The following ASAP1 variants were observed in gnomAD, a reference collection of about 807,000 sequenced individuals.
ASAP1 encodes the protein arf-GAP with SH3 domain, ANK repeat and PH domain-containing protein 1.
ASAP1 carries 43 observed loss-of-function variants against 145.2 expected under a neutral mutation model. The observed-to-expected ratio is 0.30, with a 90% CI of 0.23 to 0.38. ASAP1 has a LOEUF of 0.38. ASAP1 is among the 10% of genes least tolerant of loss of function. The probability of loss-of-function intolerance (pLI) is 1.00; values close to 1 mark genes in which losing one functional copy is unlikely to be tolerated. For synonymous variants in ASAP1, 546 were observed against 515.5 expected (o/e 1.06, Z -0.80); for missense variants, 1,018 against 1,355.3 (o/e 0.75, Z 3.91).
chr8:130,206,911 G>A (rs1816259759), intron 5 of ASAP1, among the ~76,000 whole-genome samples: 1 of 151,762 alleles, frequency 6.6e-6, no homozygotes, highest in African/African-American at 2.4e-5. Context: ...TCACAGGAAT[G>A]ATGCCTGATG....
At chr8:130,245,734 C>T (rs1421483907) in intron 3 of ASAP1, among the ~76,000 whole-genome samples, 1 of 152,186 alleles carries the variant, frequency 6.6e-6, no homozygotes, top group Non-Finnish European at 1.5e-5. Context: ...ATAAATCTGC[C>T]TCTATATTAA....
At chr8:130,072,790 GATATGT>G (rs1205241413) in intron 27 of ASAP1, among the ~76,000 whole-genome samples, 1 of 66,096 alleles carries the variant, frequency 1.5e-5, no homozygotes, top group Admixed American at 1.7e-4. Flanking sequence ...ACTTGCAATT[GATATGT>G]GTGTGTGTGT....
In ASAP1 at chr8:130,364,699, A is replaced by G. The variant is rs140530305; in HGVS notation, c.60-6556T>C. ...TGCCCCATTCCTCCAGGTGGGATTA[A>G]TCTTCATGTGGGTATCCACAGTCAG... On this transcript the variant is annotated intron_variant, in intron 2 of 29. Transcript: ENST00000518721. Among the ~76,000 whole-genome samples the G allele has an allele frequency of 3.9e-5, 6 of 152,332 alleles. No individual in the cohort carries two copies. In the East Asian group the frequency reaches 1.2e-3, roughly 29 times the overall value.
At chr8:130,123,870 C>T (rs2097570536) in intron 18 of ASAP1, 143 bp downstream of exon 18, 16 of 592,404 alleles carry the variant, frequency 2.7e-5, no homozygotes, top group South Asian at 1.8e-4. Flanking sequence ...CCTCGTGATC[C>T]GTTTGCCTCA....
At chr8:130,234,351 A>G (rs1251205164) in intron 4 of ASAP1, among the ~76,000 whole-genome samples, 2 of 152,122 alleles carry the variant, frequency 1.3e-5, no homozygotes, top group African/African-American at 4.8e-5. Flanking sequence ...CTCTAATAGT[A>G]CAAACCTAGG....
chr8:130,415,255 G>A (rs1481986159), intron 1 of ASAP1, among the ~76,000 whole-genome samples: 1 of 152,160 alleles, frequency 6.6e-6, no homozygotes, highest in African/African-American at 2.4e-5. Context: ...GATAGCTTGA[G>A]GCTAGGAGTT....
At chr8:130,134,385 G>A (rs1565000126) in intron 14 of ASAP1, 41 bp from the exon 15 acceptor site, 1 of 1,357,400 alleles carries the variant, frequency 7.4e-7, no homozygotes, top group East Asian at 2.4e-5. Context: ...ACCTTAGAAA[G>A]CAGGGTACTT....
intron 27 of ASAP1, among the ~76,000 whole-genome samples, chr8:130,074,831 G>A (rs2135261713): frequency 6.6e-6 from 1 of 152,338 alleles, no homozygotes; most frequent in South Asian, 2.1e-4. Context: ...ATGACCATGT[G>A]AGGTCAGCAG....
At chr8:130,277,068 A>T (rs1820956618) in intron 3 of ASAP1, among the ~76,000 whole-genome samples, 1 of 152,048 alleles carries the variant, frequency 6.6e-6, no homozygotes, top group Admixed American at 6.6e-5. Context: ...TCAGAATCAC[A>T]TGTGTGTGCT....
At chr8:130,430,103 C>T (rs553246699) in intron 1 of ASAP1, among the ~76,000 whole-genome samples, 72 of 152,292 alleles carry the variant, frequency 4.7e-4, no homozygotes, top group African/African-American at 1.7e-3. Context: ...ACCAGGGCCC[C>T]GATCCTTCTG....
chr8:130,328,962 C>T (rs1459564817), intron 3 of ASAP1, among the ~76,000 whole-genome samples: 1 of 151,990 alleles, frequency 6.6e-6, no homozygotes, highest in Non-Finnish European at 1.5e-5. Flanking sequence ...CTTAGACTAG[C>T]AGGAAATATA....
At chr8:130,229,939 G>A (rs1171047827) in intron 4 of ASAP1, among the ~76,000 whole-genome samples, 1 of 152,028 alleles carries the variant, frequency 6.6e-6, no homozygotes, top group Non-Finnish European at 1.5e-5. Context: ...GCATGCAACT[G>A]TGGTCCCAGC....
At chr8:130,300,186 A>AGC (rs1491297457) in intron 3 of ASAP1, among the ~76,000 whole-genome samples, 1 of 146,024 alleles carries the variant, frequency 6.8e-6, no homozygotes, top group African/African-American at 2.6e-5. Flanking sequence ...AGAGAGAGAG[A>AGC]GCGAGCGAGC....
At chr8:130,143,856 A>G (rs563113863) in intron 13 of ASAP1, among the ~76,000 whole-genome samples, 22 of 152,236 alleles carry the variant, frequency 1.4e-4, no homozygotes, top group Non-Finnish European at 2.8e-4. Context: ...AGTTAGCAGA[A>G]AACAGCTGCT....
chr8:130,163,361 T>G (rs909728577), intron 11 of ASAP1, among the ~76,000 whole-genome samples: 12 of 152,240 alleles, frequency 7.9e-5, no homozygotes, highest in African/African-American at 2.7e-4. Context: ...TATTACTAGC[T>G]TAAGTAAACC....
intron 3 of ASAP1, among the ~76,000 whole-genome samples, chr8:130,238,579 T>C (rs1050884083): frequency 6.6e-6 from 1 of 152,146 alleles, no homozygotes; most frequent in African/African-American, 2.4e-5. Context: ...AGACATCAGG[T>C]ATAAAACTTA....
At chr8:130,311,685 C>T (rs192442285) in intron 3 of ASAP1, among the ~76,000 whole-genome samples, 1,411 of 139,082 alleles carry the variant, frequency 0.01, 11 homozygotes, top group Middle Eastern at 0.061. Flanking sequence ...CGCTTGAACC[C>T]GGGAGGCGGA....
At chr8:130,205,878 G>A (rs369496645) in intron 5 of ASAP1, among the ~76,000 whole-genome samples, 145 of 151,970 alleles carry the variant, frequency 9.5e-4, no homozygotes, top group African/African-American at 3.2e-3. Flanking sequence ...CTAACCCCAA[G>A]GATTTTGGAC....
At chr8:130,220,586 C>T (rs762514149) in intron 4 of ASAP1, among the ~76,000 whole-genome samples, 2 of 152,128 alleles carry the variant, frequency 1.3e-5, no homozygotes, top group Non-Finnish European at 2.9e-5. Flanking sequence ...CCTGTAATCC[C>T]AGTACTTTGG....
Sources: gnomAD v4.1 joint callset for allele counts (sites outside exome capture counted in the v4.1 genomes callset) on GRCh38, gnomAD v4.1.1 for gene constraint, MANE v1.5 for transcripts, NCBI Gene and HGNC (gene_info 2026-07-23, HGNC 2026-07-21) for gene names.